KCNQ1: variants seen among roughly 807,000 people sequenced by gnomAD.
KCNQ1 encodes potassium voltage-gated channel subfamily KQT member 1.
In KCNQ1, 49 loss-of-function variants were observed where a neutral mutation model predicts 72.4. That is an observed-to-expected ratio of 0.68 (90% confidence interval 0.54 to 0.86). The LOEUF (loss-of-function observed/expected upper bound fraction) is 0.86. Among genes scored for constraint, KCNQ1 ranks in the 40% least tolerant of loss-of-function variants. KCNQ1 has a pLI of 0.00. For missense variants in KCNQ1, 790 were observed against 945.1 expected (o/e 0.84, Z 2.15); for synonymous variants, 450 against 412.6 (o/e 1.09, Z -1.10).
chr11:2,832,963 T>G (rs1210109798), intron 15 of KCNQ1, among the ~76,000 whole-genome samples: 1 of 152,024 alleles, frequency 6.6e-6, no homozygotes, highest in East Asian at 1.9e-4. Context: ...TCCCCCAGAG[T>G]GACCTGGACA....
At chr11:2,561,601 TG>T (rs1564817270) in intron 2 of KCNQ1, among the ~76,000 whole-genome samples, 1 of 152,234 alleles carries the variant, frequency 6.6e-6, no homozygotes, top group Non-Finnish European at 1.5e-5. Context: ...GCTGCTCGTC[TG>T]GGTCCCCCGC....
intron 6 of KCNQ1, among the ~76,000 whole-genome samples, chr11:2,574,551 G>T (rs771597898): frequency 6.6e-6 from 1 of 152,306 alleles, no homozygotes; most frequent in Non-Finnish European, 1.5e-5. Flanking sequence ...TTCCAGAAAG[G>T]ACCGGACTTG....
Position 2,653,572 on chromosome 11 carries a change from T to C in KCNQ1, c.1394-8389T>C, listed in dbSNP as rs375125425. 29 of 398,724 alleles carry C rather than the reference T, an allele frequency of 7.3e-5. No individual in the cohort carries two copies. The highest frequency in any genetic ancestry group is 2.5e-4 in the East Asian group (7 of 28,100). The allele number at this position is 398,724 out of a possible 1,614,324, so 24.7% of individuals were successfully genotyped here. On this transcript the variant is annotated intron_variant, in intron 10 of 15. Coordinates refer to ENST00000155840, the MANE Select transcript of KCNQ1 (RefSeq NM_000218.3). The surrounding 1 kb of genome is among the most constrained non-coding windows in gnomAD (Gnocchi z 5.3). ...CCTTCTCCCTTCCCGTTCCCTCTTT[T>C]GTTCTCCCTTTCCCTTGCTCTCTAT... is the stretch of plus-strand genomic sequence containing the variant.
chr11:2,566,390 G>A lies in KCNQ1; in HGVS notation c.478-4238G>A, dbSNP rs1466296523. On this transcript the variant is annotated intron_variant, in intron 2 of 15. Coordinates refer to ENST00000155840, the MANE Select transcript of KCNQ1 (RefSeq NM_000218.3). The surrounding 1 kb of genome is among the most constrained non-coding windows in gnomAD (Gnocchi z 6.7). ...GGACACCTGTACCTTGTCCCGGGGC[G>A]GGGCTCTCTCTGCCATGGACGCCAG... Among the ~76,000 whole-genome samples the A allele has an allele frequency of 2.6e-5, 4 of 152,196 alleles. 1 individual carries two copies. Among genetic ancestry groups the A allele is most frequent in the South Asian group, 4.1e-4 (2 of 4,832 alleles).
At chr11:2,502,125 A>G (rs1268727595) in intron 1 of KCNQ1, among the ~76,000 whole-genome samples, 1 of 152,212 alleles carries the variant, frequency 6.6e-6, no homozygotes, top group East Asian at 1.9e-4. Context: ...CTTTCCTCTA[A>G]GACCTGGAAC....
chr11:2,452,506 C>T (rs967364236), intron 1 of KCNQ1, among the ~76,000 whole-genome samples: 1 of 147,676 alleles, frequency 6.8e-6, no homozygotes, highest in African/African-American at 2.4e-5. Context: ...GCATCCCCAC[C>T]CTGCCCCAAA....
At chr11:2,641,882 A>C (rs1163754305) in intron 10 of KCNQ1, 2 of 398,520 alleles carry the variant, frequency 5.0e-6, no homozygotes, top group Non-Finnish European at 8.9e-6. Context: ...CATTAAGTGA[A>C]GAGGGTGCTC....
At chr11:2,837,204 GCGCC>G (rs2134077216) in intron 15 of KCNQ1, among the ~76,000 whole-genome samples, 1 of 152,322 alleles carries the variant, frequency 6.6e-6, no homozygotes, top group Admixed American at 6.5e-5. Flanking sequence ...ACAGCCAAGA[GCGCC>G]CGGGGAGAGG....
At chr11:2,630,975 T>C (rs1849343178) in intron 10 of KCNQ1, 1 of 398,442 alleles carries the variant, frequency 2.5e-6, no homozygotes, top group Non-Finnish European at 4.4e-6. Flanking sequence ...CCTGCAGATG[T>C]AAGAACTTTA....
At chr11:2,694,170 T>C (rs1160446968) in intron 11 of KCNQ1, 4 of 398,548 alleles carry the variant, frequency 1.0e-5, no homozygotes, top group Admixed American at 8.8e-5. Context: ...GTACTCTGAT[T>C]GGCCAGGCCT....
intron 1 of KCNQ1, among the ~76,000 whole-genome samples, chr11:2,523,431 C>T (rs57803600): frequency 0.016 from 2,389 of 152,262 alleles, 61 homozygotes; most frequent in African/African-American, 0.055. Context: ...AACTCCTGTC[C>T]TCAGGCAATC....
chr11:2,728,424 G>A (rs551271888), intron 11 of KCNQ1, among the ~76,000 whole-genome samples: 5 of 152,366 alleles, frequency 3.3e-5, no homozygotes, highest in Middle Eastern at 3.4e-3. Context: ...CCTACCGAGC[G>A]TTTGACTCTA....
At chr11:2,555,863 C>T (rs901170964) in intron 2 of KCNQ1, among the ~76,000 whole-genome samples, 2 of 152,182 alleles carry the variant, frequency 1.3e-5, no homozygotes, top group African/African-American at 4.8e-5. Flanking sequence ...AGAGACAGGG[C>T]CCACTTTCTT....
At chr11:2,551,333 G>C (rs1847980728) in intron 2 of KCNQ1, among the ~76,000 whole-genome samples, 1 of 152,204 alleles carries the variant, frequency 6.6e-6, no homozygotes, top group South Asian at 2.1e-4. Flanking sequence ...GCCTTTTCCA[G>C]AACGTCATGT....
At position 2,553,771 on chromosome 11, in the gene KCNQ1, A is replaced by C. The variant is rs1848028286; in HGVS notation, c.478-16857A>C. The stretch of plus-strand genomic sequence containing the variant: ...GGTCTTTTTGCCCAAGCTGGAGCGC[A>C]ATGGCGTGATCTCGGCTCACTGCAG... On this transcript the variant is annotated intron_variant, in intron 2 of 15. Coordinates refer to ENST00000155840, the MANE Select transcript of KCNQ1 (RefSeq NM_000218.3). Among the ~76,000 whole-genome samples the C allele has an allele frequency of 2.6e-5, 4 of 151,836 alleles. No homozygotes were observed. In the South Asian group the frequency reaches 8.3e-4, roughly 31 times the overall value.
Position 2,467,624 on chromosome 11 carries a change from G to T in KCNQ1, c.386+22140G>T, listed in dbSNP as rs1846370841. Reference sequence around the variant, plus strand: ...GCTGGGGTTTGGCAAAGGCGTTGGGGTGCTCTTGTGCTGGACAGGCTGCTG... The same window carrying T: ...GCTGGGGTTTGGCAAAGGCGTTGGGTTGCTCTTGTGCTGGACAGGCTGCTG... On this transcript the variant is annotated intron_variant, in intron 1 of 15. Coordinates refer to ENST00000155840, the MANE Select transcript of KCNQ1 (RefSeq NM_000218.3). Among the ~76,000 whole-genome samples, 3 of 152,216 alleles carry T rather than the reference G, an allele frequency of 2.0e-5. No individual in the cohort carries two copies. The South Asian group carries it at 6.2e-4, about 31-fold the overall frequency.
At chr11:2,753,089 C>G (rs909535994) in intron 11 of KCNQ1, among the ~76,000 whole-genome samples, 1 of 152,196 alleles carries the variant, frequency 6.6e-6, no homozygotes, top group Non-Finnish European at 1.5e-5. Context: ...CGTGCATTCA[C>G]GCAGAACTCT....
At chr11:2,823,179 A>G (rs1228413658) in intron 15 of KCNQ1, among the ~76,000 whole-genome samples, 1 of 152,222 alleles carries the variant, frequency 6.6e-6, no homozygotes, top group Non-Finnish European at 1.5e-5. Flanking sequence ...GATAAAGACA[A>G]CATTCTAGAA....
rs554840301 is a variant in KCNQ1, at chr11:2,538,365, C to T, written c.477+10347C>T. ...CCTGGCCCCACGGATGTTGTGTGGA[C>T]GAGTTGGAGGGCTCACAGGCCCCTC... is the stretch of plus-strand genomic sequence containing the variant. On this transcript the variant is annotated intron_variant, in intron 2 of 15. Coordinates refer to ENST00000155840, the MANE Select transcript of KCNQ1 (RefSeq NM_000218.3). The surrounding 1 kb of genome is among the most constrained non-coding windows in gnomAD (Gnocchi z 6.7). Among the ~76,000 whole-genome samples, 25 of 151,660 alleles carry T rather than the reference C, an allele frequency of 1.6e-4. No individual in the cohort carries two copies. The highest frequency in any genetic ancestry group is 2.4e-4 in the African/African-American group (10 of 41,268).
Sources: gnomAD v4.1 joint callset for allele counts (sites outside exome capture counted in the v4.1 genomes callset) on GRCh38, gnomAD v4.1.1 for gene constraint, Gnocchi (gnomAD v3.1) non-coding constraint, MANE v1.5 for transcripts, NCBI Gene and HGNC (gene_info 2026-07-23, HGNC 2026-07-21) for gene names.